The following DCHS2 variants were observed in gnomAD, a reference collection of about 807,000 sequenced individuals.
DCHS2 encodes protocadherin-23.
Under a neutral mutation model 182.4 loss-of-function variants are expected in DCHS2, and 142 were observed. The observed-to-expected ratio is 0.78, with a 90% CI of 0.68 to 0.89. The LOEUF (loss-of-function observed/expected upper bound fraction) is 0.89. Ranked by LOEUF, DCHS2 falls within the 40% of genes least tolerant of loss-of-function variation. The pLI, the probability that DCHS2 is intolerant of heterozygous loss-of-function variation, is 0.00. For missense variants in DCHS2, 4,319 were observed against 4,198.6 expected (o/e 1.03, Z -0.79); for synonymous variants, 1,740 against 1,663.3 (o/e 1.05, Z -1.12).
At chr4:154,391,119 A>G (rs138466925) in intron 1 of DCHS2, 1 of 1,536,280 alleles carries the variant, frequency 6.5e-7, no homozygotes, top group East Asian at 2.3e-5. Context: ...AGCAGAAGGA[A>G]CAGACTTATA....
At chr4:154,294,945 A>G (rs1383253854) in intron 13 of DCHS2, among the ~76,000 whole-genome samples, 1 of 152,222 alleles carries the variant, frequency 6.6e-6, no homozygotes, top group Admixed American at 6.5e-5. Context: ...TCTGTTTACA[A>G]CTTCGCTTCT....
intron 1 of DCHS2, among the ~76,000 whole-genome samples, chr4:154,421,104 T>C (rs1733091403): frequency 1.3e-5 from 2 of 152,152 alleles, no homozygotes; most frequent in Non-Finnish European, 2.9e-5. Context: ...ATAGGTATTA[T>C]CTAGATACTG....
At chr4:154,426,864 T>C (rs1015593516) in intron 1 of DCHS2, among the ~76,000 whole-genome samples, 5 of 152,190 alleles carry the variant, frequency 3.3e-5, no homozygotes, top group Non-Finnish European at 7.4e-5. Flanking sequence ...CTTGAGATGA[T>C]GGATTCCCCA....
chr4:154,331,288 G>T (rs1334410063), intron 5 of DCHS2, among the ~76,000 whole-genome samples: 1 of 152,180 alleles, frequency 6.6e-6, no homozygotes, highest in Non-Finnish European at 1.5e-5. Flanking sequence ...CTTGCTTAAA[G>T]CCATACAATG....
At chr4:154,417,512 G>T (rs1280955794) in intron 1 of DCHS2, among the ~76,000 whole-genome samples, 2 of 152,098 alleles carry the variant, frequency 1.3e-5, no homozygotes, top group Admixed American at 6.6e-5. Flanking sequence ...GACCTCACAC[G>T]AGAAAAACCT....
chr4:154,375,187 A>G (rs1255756739), intron 2 of DCHS2, among the ~76,000 whole-genome samples: 5 of 152,194 alleles, frequency 3.3e-5, no homozygotes, highest in African/African-American at 1.2e-4. Context: ...GAAAAAAAGT[A>G]AGTATGAAAG....
At chr4:154,420,304 C>G (rs201729630) in intron 1 of DCHS2, among the ~76,000 whole-genome samples, 34 of 133,318 alleles carry the variant, frequency 2.6e-4, no homozygotes, top group Admixed American at 1.0e-3. Flanking sequence ...TAGATAGATA[C>G]GTACGTACAT....
intron 9 of DCHS2, among the ~76,000 whole-genome samples, chr4:154,317,900 A>G (rs1374806408): frequency 6.6e-6 from 1 of 152,208 alleles, no homozygotes. Context: ...AGGGGTCTTA[A>G]TGTCCAAATG....
chr4:154,255,037 C>T (rs887803364), intron 16 of DCHS2, among the ~76,000 whole-genome samples: 6 of 152,048 alleles, frequency 3.9e-5, no homozygotes, highest in African/African-American at 1.4e-4. Flanking sequence ...TAAATGTATG[C>T]GTTTAATAAG....
chr4:154,378,636 A>G (rs1439592785), intron 1 of DCHS2, among the ~76,000 whole-genome samples: 1 of 152,172 alleles, frequency 6.6e-6, no homozygotes, highest in African/African-American at 2.4e-5. Flanking sequence ...CTTACAACCT[A>G]TAGGTACTAA....
Position 154,235,408 on chromosome 4 carries a change from T to C in DCHS2, c.9244A>G (p.Ile3082Val). The stretch of plus-strand genomic sequence containing the variant: ...TTTGAGTGTCTGTACAGATTGACAA[T>C]ATCCTTCTCCATGATACTTATTAAA... ...LSLISIMEKD[I>V]VNLYRHSNSS... Residue 3082 changes from isoleucine to valine, a missense_variant, in exon 20 of 20, where the codon ATT becomes GTT. Ile to Val is a conservative substitution (Grantham distance 29). Transcript: ENST00000357232. 1 of 1,614,046 alleles carries C rather than the reference T, an allele frequency of 6.2e-7. No homozygotes were observed. The highest frequency in any genetic ancestry group is 8.5e-7 in the Non-Finnish European group (1 of 1,179,974).
chr4:154,338,137 C>T (rs1345220063), intron 3 of DCHS2, among the ~76,000 whole-genome samples: 1 of 152,232 alleles, frequency 6.6e-6, no homozygotes, highest in African/African-American at 2.4e-5. Context: ...GATCCCGCAG[C>T]AGCCTGGGTA....
At chr4:154,473,965 T>C (rs367920545) in intron 1 of DCHS2, among the ~76,000 whole-genome samples, 60 of 152,318 alleles carry the variant, frequency 3.9e-4, no homozygotes, top group African/African-American at 1.4e-3. Flanking sequence ...CTCACAGTTC[T>C]TGAGGACAGA....
chr4:154,246,177 G>A (rs1195421602), intron 16 of DCHS2, among the ~76,000 whole-genome samples: 1 of 152,110 alleles, frequency 6.6e-6, no homozygotes, highest in East Asian at 1.9e-4. Flanking sequence ...ATAAAAATAG[G>A]AAGAATATTT....
intron 1 of DCHS2, among the ~76,000 whole-genome samples, chr4:154,443,179 C>T (rs866235370): frequency 2.0e-5 from 3 of 152,206 alleles, no homozygotes; most frequent in Admixed American, 2.0e-4. Context: ...TTACTTCCAT[C>T]GCTCCTAAGT....
At chr4:154,345,787 A>G (rs1729333230) in intron 3 of DCHS2, among the ~76,000 whole-genome samples, 1 of 152,248 alleles carries the variant, frequency 6.6e-6, no homozygotes, top group South Asian at 2.1e-4. Context: ...TTATTTGTTG[A>G]ATTAATTAAC....
intron 1 of DCHS2, among the ~76,000 whole-genome samples, chr4:154,424,708 T>C (rs1733252180): frequency 6.6e-6 from 1 of 152,196 alleles, no homozygotes; most frequent in Non-Finnish European, 1.5e-5. Flanking sequence ...TCTCAGTAAA[T>C]TAGCTAGGTC....
chr4:154,407,467 A>G (rs940223586), intron 1 of DCHS2, among the ~76,000 whole-genome samples: 4 of 152,198 alleles, frequency 2.6e-5, no homozygotes, highest in Admixed American at 6.5e-5. Flanking sequence ...ATCCAAGTAG[A>G]CATTCCAAGC....
intron 3 of DCHS2, among the ~76,000 whole-genome samples, chr4:154,354,498 C>A (rs1470434673): frequency 6.6e-6 from 1 of 152,148 alleles, no homozygotes; most frequent in East Asian, 1.9e-4. Context: ...TGTAAAATAT[C>A]CTTAAGTTCC....
Sources: gnomAD v4.1 joint callset for allele counts (sites outside exome capture counted in the v4.1 genomes callset) on GRCh38, gnomAD v4.1.1 for gene constraint, MANE v1.5 for transcripts, NCBI Gene and HGNC (gene_info 2026-07-23, HGNC 2026-07-21) for gene names.